The following DMD variants were observed in gnomAD, a reference collection of about 807,000 sequenced individuals.
DMD encodes the protein dystrophin.
DMD carries 63 observed loss-of-function variants against 330.1 expected under a neutral mutation model. The ratio of observed to expected loss-of-function variants is 0.19; its 90% CI spans 0.16 to 0.24. The LOEUF (loss-of-function observed/expected upper bound fraction) is 0.24. DMD is among the 10% of genes least tolerant of loss of function. DMD has a pLI of 1.00. For synonymous variants in DMD, 1,223 were observed against 959.8 expected (o/e 1.27, Z -5.07); for missense variants, 3,344 against 2,684.1 (o/e 1.25, Z -5.43).
chrX:32,441,361 T>C, intron 27 of DMD, 47 bp from the exon 28 acceptor site: 2 of 1,157,948 alleles, frequency 1.7e-6, no homozygotes, highest in South Asian at 3.7e-5. Flanking sequence ...GGTAGAAAAG[T>C]AAATGTGAAA....
intron 11 of DMD, among the ~76,000 whole-genome samples, chrX:32,619,439 G>A (rs763604815): frequency 8.3e-4 from 93 of 111,465 alleles, no homozygotes; most frequent in Non-Finnish European, 1.0e-3. Context: ...AATGTAGAGA[G>A]AGAGGACGTT....
chrX:32,464,018 A>T (rs1313846609), intron 24 of DMD, among the ~76,000 whole-genome samples: 1 of 111,565 alleles, frequency 9.0e-6, no homozygotes, highest in Admixed American at 9.6e-5. Flanking sequence ...TATTGTAAAA[A>T]AATTTCCTTA....
At chrX:31,721,010 G>GA (rs1275670545) in intron 52 of DMD, among the ~76,000 whole-genome samples, 4 of 111,422 alleles carry the variant, frequency 3.6e-5, no homozygotes, top group Non-Finnish European at 7.5e-5. Flanking sequence ...CGTATAGGAA[G>GA]AAAAAACATA....
At chrX:32,606,177 C>A (rs1025810132) in intron 12 of DMD, among the ~76,000 whole-genome samples, 2 of 110,356 alleles carry the variant, frequency 1.8e-5, no homozygotes, top group Non-Finnish European at 1.9e-5. Context: ...CACCTCCCTT[C>A]CACCACCCTT....
intron 9 of DMD, among the ~76,000 whole-genome samples, chrX:32,672,377 A>G (rs2061685811): frequency 9.0e-6 from 1 of 111,590 alleles, no homozygotes; most frequent in African/African-American, 3.2e-5. Flanking sequence ...CACACTTTCA[A>G]ATACACTTGC....
rs146667309 is a variant in DMD at position 31,411,703 on chromosome X, G to A, written c.9084+32778C>T. On this transcript the variant is annotated intron_variant, in intron 60 of 78. Coordinates refer to ENST00000357033, the MANE Select transcript of DMD (RefSeq NM_004006.3). Reference sequence around the variant, plus strand: ...GGCTGGAGTGCAGTGGCACGATCTCGGCTCACTGTAACCTTGGCCTCCTGG... The same window carrying A: ...GGCTGGAGTGCAGTGGCACGATCTCAGCTCACTGTAACCTTGGCCTCCTGG... Among the ~76,000 whole-genome samples, 326 of 110,751 alleles carry A rather than the reference G, an allele frequency of 2.9e-3. 1 individual carries two copies. The highest frequency in any genetic ancestry group is 4.9e-3 in the Non-Finnish European group (259 of 52,866).
At chrX:31,376,158 G>A (rs1213360981) in intron 60 of DMD, among the ~76,000 whole-genome samples, 2 of 112,140 alleles carry the variant, frequency 1.8e-5, no homozygotes, top group Non-Finnish European at 3.8e-5. Context: ...GGAACTGCAT[G>A]GAAGCAAACA....
chrX:31,879,130 C>A (rs925598178), intron 47 of DMD, among the ~76,000 whole-genome samples: 2 of 107,972 alleles, frequency 1.9e-5, no homozygotes, highest in Non-Finnish European at 1.9e-5. Flanking sequence ...AGTCTGCTCT[C>A]ACACTGTTAA....
chrX:32,517,729 GAATT>G (rs1396180508), intron 18 of DMD: 11 of 409,065 alleles, frequency 2.7e-5, no homozygotes, highest in Non-Finnish European at 4.3e-5. Flanking sequence ...GAATCAACAT[GAATT>G]AATGTCATAA....
chrX:32,414,515 A>C (rs1266027533), intron 29 of DMD, among the ~76,000 whole-genome samples: 2 of 111,970 alleles, frequency 1.8e-5, no homozygotes, highest in African/African-American at 6.5e-5. Context: ...CATTTACTTT[A>C]GACTATCAAC....
chrX:32,033,578 T>TA (rs1283610896), intron 44 of DMD, among the ~76,000 whole-genome samples: 5 of 82,044 alleles, frequency 6.1e-5, no homozygotes, highest in African/African-American at 2.2e-4. Context: ...TTGCACTATT[T>TA]AAAAAAACAA....
At chrX:32,482,220 C>A (rs1409040811) in intron 21 of DMD, among the ~76,000 whole-genome samples, 5 of 111,254 alleles carry the variant, frequency 4.5e-5, no homozygotes, top group Admixed American at 3.8e-4. Flanking sequence ...TGCTGTGTTT[C>A]TATATTCATC....
intron 72 of DMD, among the ~76,000 whole-genome samples, chrX:31,173,108 AAATT>A (rs372023569): frequency 8.9e-6 from 1 of 112,082 alleles, no homozygotes; most frequent in African/African-American, 3.2e-5. Context: ...AGGATTAGGA[AAATT>A]AATTATTCTC....
At chrX:31,561,530 C>T (rs750153957) in intron 55 of DMD, among the ~76,000 whole-genome samples, 29 of 112,058 alleles carry the variant, frequency 2.6e-4, no homozygotes, top group Non-Finnish European at 4.5e-4. Flanking sequence ...TAGTTACAGA[C>T]TCAAGTTTAC....
chrX:31,349,018 A>G (rs2058248420), intron 60 of DMD, among the ~76,000 whole-genome samples: 1 of 112,583 alleles, frequency 8.9e-6, no homozygotes, highest in Non-Finnish European at 1.9e-5. Flanking sequence ...CAGAAATGAC[A>G]TGTCTTGTCT....
At chrX:32,326,906 CA>C (rs35702108) in intron 41 of DMD, among the ~76,000 whole-genome samples, 18,071 of 87,893 alleles carry the variant, frequency 0.21, 1,939 homozygotes, top group African/African-American at 0.41. Flanking sequence ...GAATCTGTCT[CA>C]AAAAAAAAAA....
At chrX:32,104,905 A>G (rs1309108409) in intron 44 of DMD, among the ~76,000 whole-genome samples, 1 of 111,917 alleles carries the variant, frequency 8.9e-6, no homozygotes, top group Non-Finnish European at 1.9e-5. Flanking sequence ...TAATTGCTGC[A>G]TTCTTGAAAA....
intron 9 of DMD, among the ~76,000 whole-genome samples, chrX:32,669,041 C>G (rs1474581274): frequency 9.0e-6 from 1 of 110,958 alleles, no homozygotes; most frequent in African/African-American, 3.3e-5. Context: ...ATTCCTACCA[C>G]AGAGTGTATC....
At chrX:32,577,852 T>C (rs2053233410) in intron 13 of DMD, among the ~76,000 whole-genome samples, 1 of 112,541 alleles carries the variant, frequency 8.9e-6, no homozygotes, top group South Asian at 3.7e-4. Flanking sequence ...AGCGGAAAAG[T>C]GAATTAGAAA....
Sources: gnomAD v4.1 joint callset for allele counts (sites outside exome capture counted in the v4.1 genomes callset) on GRCh38, gnomAD v4.1.1 for gene constraint, MANE v1.5 for transcripts, NCBI Gene and HGNC (gene_info 2026-07-23, HGNC 2026-07-21) for gene names.